The following SYNDIG1L variants were observed in gnomAD, a reference collection of about 807,000 sequenced individuals.
SYNDIG1L encodes the protein synapse differentiation-inducing gene protein 1-like.
SYNDIG1L carries 13 observed loss-of-function variants against 20.1 expected under a neutral mutation model. The observed-to-expected ratio is 0.65, with a 90% CI of 0.42 to 1.03. The LOEUF is 1.03. Ranked by LOEUF, SYNDIG1L falls within the 50% of genes least tolerant of loss-of-function variation. The pLI, the probability that SYNDIG1L is intolerant of heterozygous loss-of-function variation, is 0.00. For synonymous variants in SYNDIG1L, 128 were observed against 129.3 expected (o/e 0.99, Z 0.07); for missense variants, 294 against 305.1 (o/e 0.96, Z 0.27).
the SYNDIG1L span, among the ~76,000 whole-genome samples, chr14:74,457,680 G>A: frequency 0.011 from 1,720 of 152,038 alleles, 37 homozygotes; most frequent in African/African-American, 0.039. Flanking sequence ...ATAGAAGGGG[G>A]GCAGCAAAGA....
chr14:74,418,686 C>A (rs2086197338), intron 1 of SYNDIG1L, among the ~76,000 whole-genome samples: 1 of 152,154 alleles, frequency 6.6e-6, no homozygotes, highest in African/African-American at 2.4e-5. Flanking sequence ...CTGGAACACT[C>A]GCTCTTGGAA....
At position 74,416,340 on chromosome 14, in the gene SYNDIG1L, A is replaced by T. The variant is rs551366773; in HGVS notation, c.-57-6539T>A. Among the ~76,000 whole-genome samples the T allele has an allele frequency of 1.2e-4, 18 of 152,300 alleles. No individual in the cohort carries two copies. The East Asian group carries it at 2.3e-3, about 20-fold the overall frequency. On this transcript the variant is annotated intron_variant, in intron 1 of 3. Coordinates refer to ENST00000331628, the MANE Select transcript of SYNDIG1L (RefSeq NM_001105579.2). The stretch of plus-strand genomic sequence containing the variant: ...GTGTATTATATCTCAAAGATGACTT[A>T]AAAAAGACAAAGAGGCTAGGCATGG...
At chr14:74,422,987 C>T (rs1247110723) in intron 1 of SYNDIG1L, among the ~76,000 whole-genome samples, 2 of 152,164 alleles carry the variant, frequency 1.3e-5, no homozygotes, top group African/African-American at 4.8e-5. Context: ...ACGTGAGCCA[C>T]TGCACCTGGC....
chr14:74,440,480 T>A, the SYNDIG1L span, among the ~76,000 whole-genome samples: 188 of 128,478 alleles, frequency 1.5e-3, no homozygotes, highest in African/African-American at 5.6e-3. Flanking sequence ...GCGCCACTGC[T>A]CTCCAGCCTG....
the SYNDIG1L span, among the ~76,000 whole-genome samples, chr14:74,445,872 C>G: frequency 3.9e-5 from 6 of 152,256 alleles, no homozygotes; most frequent in African/African-American, 1.4e-4. Context: ...TTGATTTAAA[C>G]TATTTTACAA....
chr14:74,440,251 C>T, the SYNDIG1L span, among the ~76,000 whole-genome samples: 1 of 151,584 alleles, frequency 6.6e-6, no homozygotes, highest in African/African-American at 2.4e-5. Context: ...CGCGGTGGCT[C>T]ACACCTGTAA....
the SYNDIG1L span, among the ~76,000 whole-genome samples, chr14:74,461,390 A>T: frequency 6.6e-6 from 1 of 152,210 alleles, no homozygotes; most frequent in Non-Finnish European, 1.5e-5. Flanking sequence ...CATCACGAGA[A>T]AATAAGATAT....
chr14:74,465,765 C>T, the SYNDIG1L span, among the ~76,000 whole-genome samples: 3 of 152,198 alleles, frequency 2.0e-5, no homozygotes, highest in South Asian at 6.2e-4. Flanking sequence ...CTGGCCCTCA[C>T]CCTAACCTGT....
At chr14:74,415,100 G>T (rs754022868) in intron 1 of SYNDIG1L, among the ~76,000 whole-genome samples, 24 of 152,188 alleles carry the variant, frequency 1.6e-4, no homozygotes, top group Non-Finnish European at 3.2e-4. Context: ...TGTTAAGGAG[G>T]AGGGCCCCCA....
At chr14:74,451,749 TG>T in the SYNDIG1L span, among the ~76,000 whole-genome samples, 1 of 152,122 alleles carries the variant, frequency 6.6e-6, no homozygotes, top group East Asian at 1.9e-4. Flanking sequence ...CCCAGCACTT[TG>T]GGAGGCCAAG....
chr14:74,437,921 C>T, the SYNDIG1L span, among the ~76,000 whole-genome samples: 1 of 152,144 alleles, frequency 6.6e-6, no homozygotes, highest in Non-Finnish European at 1.5e-5. Flanking sequence ...TTCTTCTGCC[C>T]CCACAGATGA....
the SYNDIG1L span, among the ~76,000 whole-genome samples, chr14:74,460,760 C>T: frequency 6.6e-6 from 1 of 152,176 alleles, no homozygotes; most frequent in African/African-American, 2.4e-5. Flanking sequence ...CTCAGCCTCC[C>T]ATGTATTAAT....
intron 1 of SYNDIG1L, among the ~76,000 whole-genome samples, chr14:74,413,965 C>A (rs902674845): frequency 2.0e-5 from 3 of 152,248 alleles, no homozygotes; most frequent in African/African-American, 4.8e-5. Context: ...ATCCTGGAGA[C>A]CCAGCACAGA....
the SYNDIG1L span, among the ~76,000 whole-genome samples, chr14:74,469,471 TAACA>T: frequency 6.6e-6 from 1 of 151,920 alleles, no homozygotes; most frequent in Non-Finnish European, 1.5e-5. Context: ...TATACATATG[TAACA>T]AACCTGAAAG....
chr14:74,442,276 T>G, the SYNDIG1L span, among the ~76,000 whole-genome samples: 1 of 152,090 alleles, frequency 6.6e-6, no homozygotes, highest in South Asian at 2.1e-4. Context: ...ATTAACAAAA[T>G]TAAGATGGTA....
At chr14:74,444,713 T>C in the SYNDIG1L span, among the ~76,000 whole-genome samples, 1 of 152,014 alleles carries the variant, frequency 6.6e-6, no homozygotes, top group Admixed American at 6.6e-5. Flanking sequence ...ATTGTGCCAC[T>C]GTACTCCATC....
the SYNDIG1L span, among the ~76,000 whole-genome samples, chr14:74,460,994 C>G: frequency 0.036 from 5,497 of 151,700 alleles, 359 homozygotes; most frequent in African/African-American, 0.13. Context: ...CCGTGGCCCC[C>G]TTGTCTTTTC....
the SYNDIG1L span, among the ~76,000 whole-genome samples, chr14:74,466,811 T>C: frequency 6.6e-6 from 1 of 152,244 alleles, no homozygotes; most frequent in Admixed American, 6.5e-5. Flanking sequence ...AGGTTTCTTC[T>C]GACTCTGGAG....
the SYNDIG1L span, among the ~76,000 whole-genome samples, chr14:74,439,734 C>T: frequency 5.9e-5 from 9 of 151,612 alleles, no homozygotes; most frequent in East Asian, 1.8e-3. Flanking sequence ...ACAAAATTAG[C>T]CGGGCGTGGT....
Sources: gnomAD v4.1 joint callset for allele counts (sites outside exome capture counted in the v4.1 genomes callset) on GRCh38, gnomAD v4.1.1 for gene constraint, MANE v1.5 for transcripts, NCBI Gene and HGNC (gene_info 2026-07-23, HGNC 2026-07-21) for gene names.